PCSK5: variants seen among roughly 807,000 people sequenced by gnomAD.
PCSK5 encodes the protein prohormone convertase 5.
A neutral mutation model predicts 233.2 loss-of-function variants in PCSK5; 129 were observed. The observed-to-expected ratio is 0.55, with a 90% CI of 0.48 to 0.64. The LOEUF is 0.64. Ranked by LOEUF, PCSK5 falls within the 30% of genes least tolerant of loss-of-function variation. The pLI, the probability that PCSK5 is intolerant of heterozygous loss-of-function variation, is 0.00. For synonymous variants in PCSK5, 825 were observed against 879.2 expected (o/e 0.94, Z 1.09); for missense variants, 2,076 against 2,430.1 (o/e 0.85, Z 3.06).
At chr9:76,022,357 G>A (rs562849545) in intron 3 of PCSK5, among the ~76,000 whole-genome samples, 2 of 152,302 alleles carry the variant, frequency 1.3e-5, no homozygotes, top group Admixed American at 1.3e-4. Flanking sequence ...TGACGTGTGT[G>A]TTAAGTGAAT....
chr9:76,256,833 C>T (rs561118680), intron 24 of PCSK5, among the ~76,000 whole-genome samples: 2 of 152,300 alleles, frequency 1.3e-5, no homozygotes, highest in African/African-American at 4.8e-5. Context: ...CTTCCCTTAA[C>T]ACAGTGAAAA....
chr9:76,303,815 C>A lies in PCSK5; in HGVS notation c.3604+1598C>A, dbSNP rs149954376. Among the ~76,000 whole-genome samples, 343 of 152,298 alleles carry A rather than the reference C, an allele frequency of 2.3e-3. 2 individuals are homozygous for A. Among genetic ancestry groups the A allele is most frequent in the African/African-American group, 7.7e-3 (318 of 41,564 alleles). On this transcript the variant is annotated intron_variant, in intron 28 of 37. Transcript: ENST00000674117. ...AGGTGGCTCTGCACAAGGCTAAATT[C>A]AGCCCTTAGCAGATGCCCCAGAGAG...
Position 76,351,520 on chromosome 9 carries a change from GAAAGAAAGA to G in PCSK5, c.5067+595_5067+603del, listed in dbSNP as rs1564196902. Among the ~76,000 whole-genome samples the G allele has an allele frequency of 2.9e-4, 34 of 119,272 alleles. 3 individuals carry two copies. The highest frequency in any genetic ancestry group is 1.1e-3 in the African/African-American group (34 of 30,526). The allele number at this position is 119,272 out of a possible 152,430, so 78.2% of individuals were successfully genotyped here. Reference sequence around the variant, plus strand: ...AGAAAGAAAGAAAGAAAGAAAGAAAGAAAGAAAGAAAGGAAGGAAAGAAAGAGAAAGAAG... The same window carrying G: ...AGAAAGAAAGAAAGAAAGAAAGAAAGAAGGAAGGAAAGAAAGAGAAAGAAG... On this transcript the variant is annotated intron_variant, in intron 36 of 37. Transcript: ENST00000674117.
At chr9:76,313,497 T>C (rs978445681) in intron 30 of PCSK5, among the ~76,000 whole-genome samples, 2 of 152,134 alleles carry the variant, frequency 1.3e-5, no homozygotes, top group South Asian at 4.1e-4. Context: ...GTAGATTTGC[T>C]ATTCTTGGAC....
intron 9 of PCSK5, among the ~76,000 whole-genome samples, chr9:76,131,681 T>C (rs10746989): frequency 0.49 from 73,930 of 151,528 alleles, 18,243 homozygotes; most frequent in Admixed American, 0.53. Context: ...CCCTGTTCTG[T>C]TATGAAAATT....
In PCSK5 at chr9:76,158,965, C is replaced by T. The variant is rs1213131918; in HGVS notation, c.1431-18C>T. The stretch of plus-strand genomic sequence containing the variant: ...TGTGATGTCATTTGCTCAAACTCTC[C>T]ATCTCTCTCTGTTACAGGACAATCC... On this transcript the variant is annotated intron_variant, in intron 11 of 37. Coordinates refer to ENST00000674117, the MANE Select transcript of PCSK5 (RefSeq NM_001372043.1). 3 of 1,605,526 alleles carry T rather than the reference C, an allele frequency of 1.9e-6. No homozygotes were observed. Among genetic ancestry groups the T allele is most frequent in the Non-Finnish European group, 2.6e-6 (3 of 1,173,144 alleles).
At chr9:76,166,410 G>A (rs993560162) in intron 12 of PCSK5, among the ~76,000 whole-genome samples, 1 of 152,096 alleles carries the variant, frequency 6.6e-6, no homozygotes, top group Non-Finnish European at 1.5e-5. Context: ...TTTTGTGCCC[G>A]ATGTGATTTG....
At chr9:76,224,521 G>A (rs1195313868) in intron 20 of PCSK5, among the ~76,000 whole-genome samples, 1 of 152,192 alleles carries the variant, frequency 6.6e-6, no homozygotes, top group Non-Finnish European at 1.5e-5. Flanking sequence ...GGATGGCTTG[G>A]CCTACCCCAG....
At chr9:76,029,775 C>T (rs1307316872) in intron 5 of PCSK5, among the ~76,000 whole-genome samples, 1 of 152,162 alleles carries the variant, frequency 6.6e-6, no homozygotes, top group Non-Finnish European at 1.5e-5. Flanking sequence ...AGGTCAGGAA[C>T]CCTGTAGAGG....
chr9:75,959,736 C>A (rs7038281), intron 2 of PCSK5, among the ~76,000 whole-genome samples: 8,273 of 152,218 alleles, frequency 0.054, 289 homozygotes, highest in African/African-American at 0.08. Context: ...AACCAAGTCC[C>A]ATTGGTTTCA....
chr9:76,107,433 C>G (rs1832024746), intron 9 of PCSK5, 82 bp downstream of exon 9: 1 of 711,162 alleles, frequency 1.4e-6, no homozygotes, highest in African/African-American at 1.8e-5. Flanking sequence ...GTATAGGACC[C>G]CTAGCATGAC....
intron 13 of PCSK5, among the ~76,000 whole-genome samples, chr9:76,174,585 C>T (rs1823489538): frequency 6.6e-6 from 1 of 152,176 alleles, no homozygotes. Context: ...GCTGGGATTA[C>T]AGGCATGAGC....
intron 24 of PCSK5, among the ~76,000 whole-genome samples, chr9:76,240,896 T>C (rs1361155800): frequency 6.6e-6 from 1 of 152,220 alleles, no homozygotes; most frequent in African/African-American, 2.4e-5. Context: ...CTTGTCTTTA[T>C]GAAACTCAAG....
chr9:76,051,663 C>T (rs565643548), intron 5 of PCSK5, among the ~76,000 whole-genome samples: 1 of 152,014 alleles, frequency 6.6e-6, no homozygotes, highest in Admixed American at 6.5e-5. Context: ...GATTTTGATC[C>T]TCCAGATTCA....
At chr9:76,316,907 T>C (rs957675604) in intron 30 of PCSK5, among the ~76,000 whole-genome samples, 1 of 152,148 alleles carries the variant, frequency 6.6e-6, no homozygotes, top group African/African-American at 2.4e-5. Flanking sequence ...TTGAGCAAAG[T>C]AGCTGAGTCT....
At chr9:76,279,262 A>T (rs574635734) in intron 24 of PCSK5, among the ~76,000 whole-genome samples, 1 of 150,622 alleles carries the variant, frequency 6.6e-6, no homozygotes, top group East Asian at 1.9e-4. Context: ...TTATGGCTGC[A>T]TAGTATTCCA....
chr9:75,890,550 A>G (rs7853608), upstream of PCSK5: 80,775 of 152,226 alleles, frequency 0.53, 23,539 homozygotes, highest in African/African-American at 0.77. Context: ...GGACCTCGTC[A>G]GCGCCTGGCT....
Position 76,175,100 on chromosome 9 carries a change from C to T in PCSK5, c.1871C>T (p.Thr624Ile). 1 of 1,614,152 alleles carries T rather than the reference C, an allele frequency of 6.2e-7. No individual in the cohort carries two copies. The highest frequency in any genetic ancestry group is 8.5e-7 in the Non-Finnish European group (1 of 1,180,008). The change falls in exon 14 of 38, where the codon ACA (threonine) becomes ATA (isoleucine). Residue 624 changes from threonine (T) to isoleucine (I), a missense_variant. Around this residue, in one of 6 missense-constraint regions of PCSK5, gnomAD observed 84 missense variants for 108.8 expected, o/e 0.77. Transcript: ENST00000674117. ...RFRYSRVEDP[T>I]DDYGTEDYAG... Reference sequence around the variant, plus strand: ...CGCTATAGCCGAGTTGAAGACCCCACAGACGACTATGGCACAGAGGATTAT... The same window carrying T: ...CGCTATAGCCGAGTTGAAGACCCCATAGACGACTATGGCACAGAGGATTAT...
chr9:76,146,627 A>C (rs1414715352), intron 10 of PCSK5, among the ~76,000 whole-genome samples: 1 of 151,980 alleles, frequency 6.6e-6, no homozygotes, highest in Non-Finnish European at 1.5e-5. Flanking sequence ...GACTTGGAAA[A>C]GATAAGTTAT....
Sources: gnomAD v4.1 joint callset for allele counts (sites outside exome capture counted in the v4.1 genomes callset) on GRCh38, gnomAD v4.1.1 for gene constraint, gnomAD v4.1.1 regional missense constraint, MANE v1.5 for transcripts, NCBI Gene and HGNC (gene_info 2026-07-23, HGNC 2026-07-21) for gene names.